APP: variants seen among roughly 807,000 people sequenced by gnomAD.
The protein encoded by APP is amyloid beta precursor protein.
A neutral mutation model predicts 101.4 loss-of-function variants in APP; 31 were observed. The ratio of observed to expected loss-of-function variants is 0.31; its 90% CI spans 0.23 to 0.41. The LOEUF is 0.41. APP is among the 10% of genes least tolerant of loss of function. The pLI, the probability that APP is intolerant of heterozygous loss-of-function variation, is 1.00. For missense variants in APP, 839 were observed against 1,003.7 expected, an observed-to-expected ratio of 0.84 and a Z score of 2.22; for synonymous variants, 366 against 364.4, an observed-to-expected ratio of 1.00 and a Z score of -0.05.
At chr21:26,121,338 G>C (rs2062565514) in intron 1 of APP, among the ~76,000 whole-genome samples, 1 of 152,110 alleles carries the variant, frequency 6.6e-6, no homozygotes, top group Admixed American at 6.6e-5. Flanking sequence ...TTAGGATATT[G>C]CCAGGTTATT....
intron 1 of APP, among the ~76,000 whole-genome samples, chr21:26,166,916 A>C (rs1308809231): frequency 8.7e-6 from 1 of 115,588 alleles, no homozygotes; most frequent in African/African-American, 4.1e-5. Flanking sequence ...AAGAGAGAGA[A>C]AGAGACAGAG....
chr21:26,119,583 A>G (rs2062516213), intron 1 of APP, among the ~76,000 whole-genome samples: 1 of 152,214 alleles, frequency 6.6e-6, no homozygotes, highest in South Asian at 2.1e-4. Flanking sequence ...TGTATTTTCT[A>G]GTTTTTCAAC....
At chr21:26,107,052 C>T (rs954945768) in intron 2 of APP, among the ~76,000 whole-genome samples, 3 of 152,098 alleles carry the variant, frequency 2.0e-5, no homozygotes, top group Admixed American at 6.5e-5. Flanking sequence ...CTGAGGGTGG[C>T]GGGGAAAGGA....
intron 9 of APP, among the ~76,000 whole-genome samples, chr21:25,979,502 T>C (rs1402055756): frequency 6.6e-6 from 1 of 152,130 alleles, no homozygotes; most frequent in East Asian, 1.9e-4. Context: ...CCACAGACTA[T>C]GAAGATACAT....
intron 1 of APP, 74 bp from the exon 2 acceptor site, chr21:26,112,220 A>ATT (rs2062343857): frequency 6.7e-7 from 1 of 1,492,850 alleles, no homozygotes; most frequent in African/African-American, 1.4e-5. Flanking sequence ...AACAGGGATA[A>ATT]CTATCAAAAA....
chr21:25,974,703 T>C (rs149954224), intron 11 of APP, among the ~76,000 whole-genome samples: 38 of 152,324 alleles, frequency 2.5e-4, no homozygotes, highest in African/African-American at 6.5e-4. Flanking sequence ...GGTATTCTGT[T>C]ACAGCAGCCT....
chr21:26,168,045 A>G (rs1406672206), intron 1 of APP, among the ~76,000 whole-genome samples: 3 of 152,206 alleles, frequency 2.0e-5, no homozygotes, highest in African/African-American at 4.8e-5. Flanking sequence ...GATTGTGACT[A>G]GGTTAAACCC....
chr21:25,973,431 T>C (rs2083417828), intron 11 of APP, among the ~76,000 whole-genome samples: 1 of 152,192 alleles, frequency 6.6e-6, no homozygotes, highest in Non-Finnish European at 1.5e-5. Flanking sequence ...AATAGCTTTA[T>C]TAATATTAAA....
intron 2 of APP, among the ~76,000 whole-genome samples, chr21:26,107,374 G>A (rs1009096153): frequency 6.6e-6 from 1 of 152,168 alleles, no homozygotes. Context: ...ACATCTTACA[G>A]TTCATCTCAT....
chr21:26,060,550 T>TA (rs767413452), intron 3 of APP, among the ~76,000 whole-genome samples: 27 of 152,100 alleles, frequency 1.8e-4, no homozygotes, highest in Non-Finnish European at 3.5e-4. Flanking sequence ...GGGGAAGCGA[T>TA]AAAAAATACA....
At chr21:26,067,929 A>C (rs542837638) in intron 3 of APP, among the ~76,000 whole-genome samples, 2 of 151,968 alleles carry the variant, frequency 1.3e-5, no homozygotes, top group Non-Finnish European at 2.9e-5. Flanking sequence ...AAAAAAAAAA[A>C]CAAAAAACTC....
chr21:25,908,923 G>C (rs2038922616), intron 14 of APP, among the ~76,000 whole-genome samples: 1 of 152,080 alleles, frequency 6.6e-6, no homozygotes, highest in African/African-American at 2.4e-5. Context: ...CAGGGGTATG[G>C]GGTAGTATTT....
At chr21:26,136,190 A>AAAGC (rs2062908334) in intron 1 of APP, among the ~76,000 whole-genome samples, 2 of 88,022 alleles carry the variant, frequency 2.3e-5, no homozygotes, top group Non-Finnish European at 3.9e-5. Flanking sequence ...AGAAAGAAAG[A>AAAGC]AAGAAAGAAA....
chr21:25,950,891 T>C (rs1458583100), intron 13 of APP, among the ~76,000 whole-genome samples: 2 of 152,174 alleles, frequency 1.3e-5, no homozygotes, highest in Admixed American at 6.5e-5. Flanking sequence ...GAAGGCATCA[T>C]GGATAGTTTA....
intron 1 of APP, among the ~76,000 whole-genome samples, chr21:26,124,839 A>G (rs1269208308): frequency 6.6e-6 from 1 of 152,228 alleles, no homozygotes; most frequent in Non-Finnish European, 1.5e-5. Flanking sequence ...TTGATGCCTT[A>G]TATTCAGATA....
chr21:26,063,129 T>A (rs1362382408), intron 3 of APP, among the ~76,000 whole-genome samples: 2 of 152,194 alleles, frequency 1.3e-5, no homozygotes, highest in Non-Finnish European at 2.9e-5. Flanking sequence ...ACATAGATGG[T>A]GGATGGAGTG....
intron 14 of APP, among the ~76,000 whole-genome samples, chr21:25,909,036 G>A (rs113380192): frequency 1.3e-5 from 2 of 152,106 alleles, no homozygotes; most frequent in African/African-American, 4.8e-5. Flanking sequence ...GGCTGAGGCG[G>A]GCGGATCACG....
chr21:25,988,432 T>G (rs1272548382), intron 8 of APP, among the ~76,000 whole-genome samples: 7 of 152,174 alleles, frequency 4.6e-5, no homozygotes, highest in Non-Finnish European at 1.5e-5. Context: ...CTGGGTGCAG[T>G]GGCTCACGCC....
At chr21:25,962,561 A>G (rs1450441673) in intron 11 of APP, among the ~76,000 whole-genome samples, 2 of 152,240 alleles carry the variant, frequency 1.3e-5, no homozygotes, top group African/African-American at 4.8e-5. Context: ...CCCAATTTTC[A>G]CCGAAATACT....
Sources: allele counts gnomAD v4.1 joint callset (sites outside exome capture counted in the v4.1 genomes callset), GRCh38; gene constraint gnomAD v4.1.1; transcripts MANE v1.5; gene names NCBI Gene and HGNC (gene_info 2026-07-23, HGNC 2026-07-21).